The following RCOR1 variants were observed in gnomAD, a reference collection of about 807,000 sequenced individuals.
RCOR1 encodes the protein REST corepressor 1, also known as REST corepressor.
In RCOR1, 12 loss-of-function variants were observed where a neutral mutation model predicts 64.0. That is an observed-to-expected ratio of 0.19 (90% CI 0.12 to 0.30). The LOEUF (loss-of-function observed/expected upper bound fraction) is 0.30, where lower values mean the gene tolerates loss of function less well. RCOR1 is among the 10% of genes least tolerant of loss of function. The pLI, the probability that RCOR1 is intolerant of heterozygous loss-of-function variation, is 1.00. For synonymous variants in RCOR1, 279 were observed against 227.2 expected (o/e 1.23, Z -2.05); for missense variants, 502 against 621.2 (o/e 0.81, Z 2.04).
chr14:102,692,703 T>G (rs898682284), intron 3 of RCOR1, among the ~76,000 whole-genome samples: 1 of 149,120 alleles, frequency 6.7e-6, no homozygotes, highest in African/African-American at 2.5e-5. Flanking sequence ...TTTATTCAAC[T>G]ACATCTCTCC....
chr14:102,605,626 G>A (rs932684598), intron 2 of RCOR1, among the ~76,000 whole-genome samples: 20 of 152,180 alleles, frequency 1.3e-4, no homozygotes, highest in Non-Finnish European at 2.5e-4. Context: ...ATAGTACATA[G>A]TACTTGGTAA....
At chr14:102,596,718 C>G (rs1361564875) in intron 2 of RCOR1, among the ~76,000 whole-genome samples, 1 of 151,558 alleles carries the variant, frequency 6.6e-6, no homozygotes, top group Non-Finnish European at 1.5e-5. Flanking sequence ...GTGCCCACCA[C>G]CACGCCCAAC....
intron 6 of RCOR1, 39 bp downstream of exon 6, chr14:102,708,622 G>T (rs1317603544): frequency 2.7e-6 from 3 of 1,126,218 alleles, no homozygotes; most frequent in Admixed American, 1.8e-5. Flanking sequence ...CCACTTAGGG[G>T]ACTATCTAAG....
chr14:102,662,334 G>A, intron 2 of RCOR1: 1 of 566,340 alleles, frequency 1.8e-6, no homozygotes, highest in Non-Finnish European at 3.4e-6. Context: ...CCGAATCAGG[G>A]TGTTGACCGG....
At chr14:102,675,047 C>CAAAAAAAA (rs761294133) in intron 2 of RCOR1, among the ~76,000 whole-genome samples, 1 of 63,408 alleles carries the variant, frequency 1.6e-5, no homozygotes, top group Admixed American at 1.8e-4. Flanking sequence ...GACTCCACCT[C>CAAAAAAAA]AAAAAAAAAA....
intron 3 of RCOR1, among the ~76,000 whole-genome samples, chr14:102,693,074 A>G (rs535247415): frequency 6.6e-6 from 1 of 152,108 alleles, no homozygotes; most frequent in South Asian, 2.1e-4. Flanking sequence ...CCCACATCCC[A>G]TTCTTGAACA....
At chr14:102,699,596 C>T (rs1804720741) in intron 3 of RCOR1, among the ~76,000 whole-genome samples, 1 of 152,094 alleles carries the variant, frequency 6.6e-6, no homozygotes, top group African/African-American at 2.4e-5. Flanking sequence ...ATTAGGACTC[C>T]TCTGTTTACT....
At chr14:102,615,349 C>T (rs1368569014) in intron 2 of RCOR1, among the ~76,000 whole-genome samples, 1 of 151,174 alleles carries the variant, frequency 6.6e-6, no homozygotes, top group Non-Finnish European at 1.5e-5. Context: ...ACCATGTTGT[C>T]CCAGCTGGTC....
intron 2 of RCOR1, among the ~76,000 whole-genome samples, chr14:102,676,461 G>A (rs1378985605): frequency 4.8e-5 from 5 of 104,530 alleles, no homozygotes; most frequent in Non-Finnish European, 3.8e-5. Context: ...CCGGCCGGGC[G>A]GGGGGCTGAC....
intron 2 of RCOR1, among the ~76,000 whole-genome samples, chr14:102,610,803 C>T (rs1009842273): frequency 7.2e-5 from 11 of 152,212 alleles, no homozygotes; most frequent in African/African-American, 2.4e-4. Context: ...ATCCACCCGC[C>T]TCAGCCTCCC....
At chr14:102,714,238 C>G (rs1282916787) in intron 7 of RCOR1, among the ~76,000 whole-genome samples, 185 bp from the exon 8 acceptor site, 1 of 152,080 alleles carries the variant, frequency 6.6e-6, no homozygotes, top group Non-Finnish European at 1.5e-5. Flanking sequence ...TGTGTTTAGT[C>G]AAAACTCAGT....
At chr14:102,700,466 G>A (rs949250956) in intron 3 of RCOR1, among the ~76,000 whole-genome samples, 1 of 152,056 alleles carries the variant, frequency 6.6e-6, no homozygotes, top group African/African-American at 2.4e-5. Flanking sequence ...AAAGTGATTC[G>A]CCTGCCCTAG....
chr14:102,597,269 C>CT (rs1157283923), intron 2 of RCOR1, among the ~76,000 whole-genome samples: 1 of 151,588 alleles, frequency 6.6e-6, no homozygotes, highest in African/African-American at 2.4e-5. Context: ...TTTTTCTTTT[C>CT]TTTTTTTATT....
intron 2 of RCOR1, among the ~76,000 whole-genome samples, chr14:102,618,385 A>G (rs114993946): frequency 0.023 from 3,553 of 152,018 alleles, 131 homozygotes; most frequent in African/African-American, 0.076. Context: ...TGGGAGGATT[A>G]CTGGAACCCA....
chr14:102,708,353 G>A, intron 5 of RCOR1, 112 bp from the exon 6 acceptor site: 1 of 661,622 alleles, frequency 1.5e-6, no homozygotes, highest in South Asian at 1.5e-5. Flanking sequence ...GCCTGCCTTA[G>A]CCACCCAAAG....
At chr14:102,656,656 A>G (rs544713465) in intron 2 of RCOR1, among the ~76,000 whole-genome samples, 3 of 148,630 alleles carry the variant, frequency 2.0e-5, no homozygotes, top group African/African-American at 7.5e-5. Context: ...TTTAGTAGAG[A>G]TGGGGTTTTA....
intron 5 of RCOR1, 72 bp downstream of exon 5, chr14:102,707,584 A>G: frequency 2.4e-6 from 3 of 1,237,400 alleles, no homozygotes; most frequent in Admixed American, 4.7e-5. Context: ...TACTTGAGAT[A>G]GGGATATCAT....
intron 3 of RCOR1, among the ~76,000 whole-genome samples, chr14:102,693,733 G>A (rs898267177): frequency 1.3e-5 from 2 of 152,202 alleles, no homozygotes; most frequent in Non-Finnish European, 2.9e-5. Context: ...ATAGAAAGTT[G>A]GGGAAAAGTC....
chr14:102,720,355 T>C (rs1443498443), intron 8 of RCOR1, among the ~76,000 whole-genome samples: 1 of 152,192 alleles, frequency 6.6e-6, no homozygotes, highest in East Asian at 1.9e-4. Context: ...GGTCTTTCTT[T>C]CGACTGGGTA....
Sources: gnomAD v4.1 joint callset for allele counts (sites outside exome capture counted in the v4.1 genomes callset) on GRCh38, gnomAD v4.1.1 for gene constraint, MANE v1.5 for transcripts, NCBI Gene and HGNC (gene_info 2026-07-23, HGNC 2026-07-21) for gene names.